PLB1: variants seen among roughly 807,000 people sequenced by gnomAD.
The protein encoded by PLB1 is phospholipase B1, membrane-associated.
Under a neutral mutation model 227.4 loss-of-function variants are expected in PLB1, and 242 were observed. The ratio of observed to expected loss-of-function variants is 1.06; its 90% CI spans 0.96 to 1.18. PLB1 has a LOEUF of 1.18. PLB1 is among the 50% of genes most tolerant of loss of function. The pLI, the probability that PLB1 is intolerant of heterozygous loss-of-function variation, is 0.00. For synonymous variants in PLB1, 757 were observed against 682.2 expected (o/e 1.11, Z -1.71); for missense variants, 1,858 against 1,816.3 (o/e 1.02, Z -0.42).
chr2:28,569,910 G>A (rs962327844), intron 20 of PLB1, among the ~76,000 whole-genome samples: 4 of 148,762 alleles, frequency 2.7e-5, no homozygotes, highest in African/African-American at 9.9e-5. Context: ...AGCTTGCAGT[G>A]AGCCGAGATC....
chr2:28,606,067 A>G lies in PLB1; in HGVS notation c.3057+119A>G, dbSNP rs939582991. ...GGGGCAGTGGCTGGTACATCTATAA[A>G]CGTCTATGCAGTTGGAAATGCGGAG... is the stretch of plus-strand genomic sequence containing the variant. On this transcript the variant is annotated intron_variant, in intron 42 of 57. Transcript: ENST00000327757. 3.8e-6 allele frequency: 3 copies of G among 783,086 alleles called. No individual in the cohort carries two copies. The African/African-American group carries it at 5.2e-5, about 14-fold the overall frequency. The allele number at this position is 783,086 out of a possible 1,614,324, so 48.5% of individuals were successfully genotyped here.
At chr2:28,611,100 AAAAAG>A (rs915474867) in intron 43 of PLB1, among the ~76,000 whole-genome samples, 54 of 152,296 alleles carry the variant, frequency 3.5e-4, no homozygotes, top group Admixed American at 1.6e-3. Context: ...GAGTTGGAAA[AAAAAG>A]AAAAGAAGGG....
At chr2:28,629,455 T>A (rs568681660) in intron 53 of PLB1, among the ~76,000 whole-genome samples, 39 of 152,356 alleles carry the variant, frequency 2.6e-4, no homozygotes, top group African/African-American at 9.4e-4. Context: ...TGTCAGTGAT[T>A]GCCAAGGCAA....
intron 6 of PLB1, among the ~76,000 whole-genome samples, chr2:28,528,993 G>A (rs1466240151): frequency 1.3e-5 from 2 of 148,440 alleles, no homozygotes; most frequent in African/African-American, 5.1e-5. Flanking sequence ...TGTTGCCCAG[G>A]CTGGAGTGCA....
intron 26 of PLB1, 94 bp downstream of exon 26, chr2:28,585,936 C>T (rs1680834133): frequency 8.6e-7 from 1 of 1,165,428 alleles, no homozygotes; most frequent in Admixed American, 1.8e-5. Flanking sequence ...TAATTTTGAC[C>T]CTGTGTGGGG....
intron 33 of PLB1, among the ~76,000 whole-genome samples, chr2:28,597,287 A>C (rs1026181354): frequency 2.0e-5 from 3 of 148,596 alleles, no homozygotes; most frequent in Non-Finnish European, 3.0e-5. Flanking sequence ...AAAAAAATCC[A>C]TTGACCTGGA....
In PLB1 at chr2:28,603,043, G is replaced by C. The variant is rs561092139; in HGVS notation, c.2774+122G>C. 11 of 821,490 alleles carry C rather than the reference G, an allele frequency of 1.3e-5. No homozygotes were observed. The South Asian group carries it at 1.8e-4, about 14-fold the overall frequency. 50.9% of individuals were successfully genotyped at this position (821,490 alleles called of 1,614,324 possible). A position where few individuals can be genotyped will look rare whatever the true frequency, so the allele number is the denominator to read the frequency against. ...CTATCCATGTGTCCAAGTCTGTAAA[G>C]GAGGACTTCTGCCAGAACGTCCCCT... On this transcript the variant is annotated intron_variant, in intron 39 of 57. Coordinates refer to ENST00000327757, the MANE Select transcript of PLB1 (RefSeq NM_153021.5).
In PLB1 at chr2:28,632,998, C is replaced by T. The variant is rs370874715; in HGVS notation, c.4057C>T (p.Arg1353Cys). 6.1e-5 allele frequency: 99 copies of T among 1,613,888 alleles called. No individual in the cohort carries two copies. Among genetic ancestry groups the T allele is most frequent in the Admixed American group, 5.8e-4 (35 of 59,982 alleles). Residue 1353 changes from arginine to cysteine, a missense_variant, in exon 56 of 58, where the codon CGC becomes TGC. Arg to Cys is a radical substitution (Grantham distance 180). Transcript: ENST00000327757. ...CGAGGACTGTTTTCACTTCTCAGAC[C>T]GCGGGCATGCCGAGATGGCCATCGC... Reference protein sequence around the residue: ...FSEDCFHFSDRGHAEMAIALW... With the variant: ...FSEDCFHFSDCGHAEMAIALW...
chr2:28,526,063 G>GA, intron 6 of PLB1, 118 bp downstream of exon 6: 1 of 1,142,538 alleles, frequency 8.8e-7, no homozygotes, highest in South Asian at 1.4e-5. Context: ...GAGCCCAGGA[G>GA]AAAGGGGACG....
At chr2:28,501,493 G>C (rs1291031079) in intron 1 of PLB1, among the ~76,000 whole-genome samples, 1 of 151,900 alleles carries the variant, frequency 6.6e-6, no homozygotes, top group Non-Finnish European at 1.5e-5. Flanking sequence ...ATTTAATTTT[G>C]TGTTTCTTCT....
Position 28,605,163 on chromosome 2 carries a change from G to A in PLB1, c.2961+404G>A, listed in dbSNP as rs367971953. 1.4e-4 allele frequency among the ~76,000 whole-genome samples: 21 copies of A among 152,326 alleles called. No homozygotes were observed. The South Asian group carries it at 1.5e-3, about 11-fold the overall frequency. ...AGATGACTAGTTTTCTGCCACGCAC[G>A]TGGTCTCTCTCGTGTGCAACGCTGC... On this transcript the variant is annotated intron_variant, in intron 41 of 57. Transcript: ENST00000327757.
chr2:28,557,861 C>T (rs563465529), intron 17 of PLB1, among the ~76,000 whole-genome samples: 1 of 152,228 alleles, frequency 6.6e-6, no homozygotes, highest in Admixed American at 6.5e-5. Context: ...CATTAACAAA[C>T]CTCAAATCAA....
chr2:28,540,436 T>C lies in PLB1; in HGVS notation c.769T>C (p.Tyr257His). The change falls in exon 12 of 58, where the codon TAT becomes CAT. Residue 257 changes from tyrosine to histidine, a missense_variant. By Grantham distance (83) the Tyr-to-His change is moderately conservative. Coordinates refer to ENST00000327757, the MANE Select transcript of PLB1 (RefSeq NM_153021.5). ...RLAKVVMQWS[Y>H]QEAWNSLLAS... ...GGCCAAGGTGGTGATGCAGTGGTCT[T>C]ATCAGGTGAGCCCAACCTGGGATCC... is the stretch of plus-strand genomic sequence containing the variant. 1.2e-6 allele frequency: 2 copies of C among 1,613,808 alleles called. No homozygotes were observed. The highest frequency in any genetic ancestry group is 1.7e-6 in the Non-Finnish European group (2 of 1,179,894).
At chr2:28,519,218 C>T (rs72786881) in intron 3 of PLB1, among the ~76,000 whole-genome samples, 23,690 of 152,148 alleles carry the variant, frequency 0.16, 2,135 homozygotes, top group East Asian at 0.38. Context: ...CCTTGTGTGG[C>T]ATTTGCATAC....
At chr2:28,546,292 G>A (rs1673252962) in intron 14 of PLB1, among the ~76,000 whole-genome samples, 3 of 152,162 alleles carry the variant, frequency 2.0e-5, no homozygotes, top group Non-Finnish European at 2.9e-5. Context: ...GGGAACTGAT[G>A]TCCCTGGCCC....
Position 28,632,032 on chromosome 2 carries a change from C to T in PLB1, c.3898-4C>T. ...GGTTGAGCAGCTTCTCTCTCTGTCC[C>T]CAGCATGGCATCTCCAGTTTCTCCT... On this transcript the variant is annotated splice_polypyrimidine_tract_variant and splice_region_variant and intron_variant, in intron 54 of 57. Coordinates refer to ENST00000327757, the MANE Select transcript of PLB1 (RefSeq NM_153021.5). 6.2e-7 allele frequency: 1 copy of T among 1,612,690 alleles called. No individual in the cohort carries two copies. The highest frequency in any genetic ancestry group is 8.5e-7 in the Non-Finnish European group (1 of 1,178,780).
chr2:28,630,284 G>A (rs562783629), intron 53 of PLB1, among the ~76,000 whole-genome samples: 2 of 152,316 alleles, frequency 1.3e-5, no homozygotes, highest in South Asian at 2.1e-4. Context: ...GGCTTGGGAA[G>A]GAGGAAGGGG....
At chr2:28,504,149 T>C (rs1185923744) in intron 1 of PLB1, among the ~76,000 whole-genome samples, 1 of 152,216 alleles carries the variant, frequency 6.6e-6, no homozygotes, top group Non-Finnish European at 1.5e-5. Context: ...CCTTCTGGAA[T>C]GCCAGCACAA....
At position 28,614,190 on chromosome 2, in the gene PLB1, A is replaced by G. The variant is rs1482067364; in HGVS notation, c.3195+94A>G. The G allele has an allele frequency of 3.3e-6, 4 of 1,201,574 alleles. No individual in the cohort carries two copies. The East Asian group carries it at 9.3e-5, about 28-fold the overall frequency. The allele number at this position is 1,201,574 out of a possible 1,614,324, so 74.4% of individuals were successfully genotyped here. On this transcript the variant is annotated intron_variant, in intron 44 of 57. Coordinates refer to ENST00000327757, the MANE Select transcript of PLB1 (RefSeq NM_153021.5). The stretch of plus-strand genomic sequence containing the variant: ...GTACAGGTTTCAGAGTATTCACTGA[A>G]GCAGAAATGTACTTCTTACATACTG...
Sources: gnomAD v4.1 joint callset for allele counts (sites outside exome capture counted in the v4.1 genomes callset) on GRCh38, gnomAD v4.1.1 for gene constraint, MANE v1.5 for transcripts, NCBI Gene and HGNC (gene_info 2026-07-23, HGNC 2026-07-21) for gene names.